LRMDA: variants seen among roughly 807,000 people sequenced by gnomAD.
LRMDA encodes leucine-rich melanocyte differentiation-associated protein.
In LRMDA, 18 loss-of-function variants were observed where a neutral mutation model predicts 29.8. That is an observed-to-expected ratio of 0.60 (90% CI 0.42 to 0.90). The LOEUF (loss-of-function observed/expected upper bound fraction) is 0.90. LRMDA is among the 40% of genes least tolerant of loss of function. The probability of loss-of-function intolerance (pLI) is 0.00; values close to 1 mark genes in which losing one functional copy is unlikely to be tolerated. For missense variants in LRMDA, 273 were observed against 273.9 expected, an observed-to-expected ratio of 1.00 and a Z score of 0.02; for synonymous variants, 125 against 109.4, an observed-to-expected ratio of 1.14 and a Z score of -0.89.
intron 2 of LRMDA, among the ~76,000 whole-genome samples, chr10:75,888,768 G>C (rs1204239773): frequency 6.6e-6 from 1 of 152,132 alleles, no homozygotes; most frequent in Non-Finnish European, 1.5e-5. Context: ...GGCCATCAAC[G>C]TACATGTATT....
At chr10:75,605,591 A>T (rs559243841) in intron 2 of LRMDA, among the ~76,000 whole-genome samples, 4 of 152,356 alleles carry the variant, frequency 2.6e-5, no homozygotes, top group Admixed American at 2.0e-4. Context: ...GTCCTAACGC[A>T]TCCTTTCTGG....
At chr10:76,022,428 C>T (rs145736263) in intron 2 of LRMDA, among the ~76,000 whole-genome samples, 281 of 152,338 alleles carry the variant, frequency 1.8e-3, no homozygotes, top group Non-Finnish European at 3.5e-3. Flanking sequence ...AATTGCTGCT[C>T]TTGGCCTTAT....
chr10:76,103,292 A>G (rs1414911564), intron 5 of LRMDA, among the ~76,000 whole-genome samples: 1 of 152,238 alleles, frequency 6.6e-6, no homozygotes, highest in Non-Finnish European at 1.5e-5. Flanking sequence ...AGTTGAGGAT[A>G]AAGAGGTTGT....
chr10:75,896,841 T>TTGTGTGTGTGTGTGTGTGTGTGTG (rs35428137), intron 2 of LRMDA, among the ~76,000 whole-genome samples: 6 of 147,442 alleles, frequency 4.1e-5, no homozygotes, highest in African/African-American at 1.5e-4. Context: ...GAGTGTGCAT[T>TTGTGTGTGTGTGTGTGTGTGTGTG]TGTGTGTGTG....
At chr10:75,538,848 G>A (rs1589174375) in intron 2 of LRMDA, among the ~76,000 whole-genome samples, 1 of 152,276 alleles carries the variant, frequency 6.6e-6, no homozygotes, top group Non-Finnish European at 1.5e-5. Flanking sequence ...AACATCCCCA[G>A]GCAATGACCT....
At chr10:76,070,694 C>T (rs544616656) in intron 5 of LRMDA, among the ~76,000 whole-genome samples, 1 of 152,256 alleles carries the variant, frequency 6.6e-6, no homozygotes, top group African/African-American at 2.4e-5. Flanking sequence ...GGAATTTATC[C>T]TTAAATGAAA....
intron 6 of LRMDA, among the ~76,000 whole-genome samples, chr10:76,407,577 C>T (rs1841915720): frequency 6.6e-6 from 1 of 152,070 alleles, no homozygotes; most frequent in Non-Finnish European, 1.5e-5. Context: ...CACAACAACC[C>T]TGTAAAATAG....
chr10:76,279,907 C>A (rs952505928), intron 5 of LRMDA, among the ~76,000 whole-genome samples: 3 of 152,116 alleles, frequency 2.0e-5, no homozygotes, highest in African/African-American at 7.2e-5. Flanking sequence ...AGTGAAGTAA[C>A]CAGCCTAAAT....
At chr10:75,881,512 A>T (rs1252130375) in intron 2 of LRMDA, among the ~76,000 whole-genome samples, 1 of 151,872 alleles carries the variant, frequency 6.6e-6, no homozygotes, top group Non-Finnish European at 1.5e-5. Context: ...ACTTTTCTGC[A>T]TGGCAGATGG....
chr10:75,959,613 A>G (rs1271179674), intron 2 of LRMDA, among the ~76,000 whole-genome samples: 1 of 152,150 alleles, frequency 6.6e-6, no homozygotes, highest in East Asian at 1.9e-4. Context: ...GAACTCAGCT[A>G]AGTAGTTTAG....
chr10:75,581,558 A>G (rs1468406102), intron 2 of LRMDA, among the ~76,000 whole-genome samples: 3 of 149,192 alleles, frequency 2.0e-5, no homozygotes, highest in Middle Eastern at 3.2e-3. Flanking sequence ...CAGTAATCCC[A>G]TTACTGGGTA....
chr10:75,644,655 T>C (rs1049730074), intron 2 of LRMDA, among the ~76,000 whole-genome samples: 2 of 152,144 alleles, frequency 1.3e-5, no homozygotes, highest in Non-Finnish European at 2.9e-5. Context: ...TGTGTCACAC[T>C]GGACCCTTAG....
intron 5 of LRMDA, among the ~76,000 whole-genome samples, chr10:76,113,926 G>A (rs1407801910): frequency 6.6e-6 from 1 of 152,196 alleles, no homozygotes; most frequent in Non-Finnish European, 1.5e-5. Context: ...AGGTTGGTTT[G>A]CAGCACAGTT....
chr10:76,289,378 T>C (rs1348727817), intron 5 of LRMDA, among the ~76,000 whole-genome samples: 2 of 152,190 alleles, frequency 1.3e-5, no homozygotes, highest in South Asian at 4.1e-4. Flanking sequence ...TCTGAGAATG[T>C]GAGGTCGCCT....
chr10:76,461,010 A>G (rs1842506907), intron 6 of LRMDA, among the ~76,000 whole-genome samples: 1 of 152,214 alleles, frequency 6.6e-6, no homozygotes, highest in African/African-American at 2.4e-5. Flanking sequence ...TAAATAAAAT[A>G]CGTATAAGAA....
intron 2 of LRMDA, among the ~76,000 whole-genome samples, chr10:76,000,596 TG>T (rs1287943572): frequency 6.6e-6 from 1 of 152,138 alleles, no homozygotes; most frequent in Non-Finnish European, 1.5e-5. Flanking sequence ...GTGAATCGAG[TG>T]GTGAACCTCG....
At chr10:76,309,966 T>C (rs1451870045) in intron 5 of LRMDA, among the ~76,000 whole-genome samples, 1 of 152,246 alleles carries the variant, frequency 6.6e-6, no homozygotes, top group Non-Finnish European at 1.5e-5. Context: ...TTAATCAAGA[T>C]ACACCACAGT....
intron 2 of LRMDA, among the ~76,000 whole-genome samples, chr10:75,830,071 T>C (rs1844313648): frequency 6.6e-6 from 1 of 152,176 alleles, no homozygotes; most frequent in African/African-American, 2.4e-5. Context: ...GGAAGCATTT[T>C]TGAGACCTAG....
chr10:75,821,717 C>G (rs548906493), intron 2 of LRMDA, among the ~76,000 whole-genome samples: 2 of 151,806 alleles, frequency 1.3e-5, no homozygotes, highest in African/African-American at 4.8e-5. Flanking sequence ...TGCAGTGAGC[C>G]GAGATCACGC....
Sources: gnomAD v4.1 joint callset for allele counts (sites outside exome capture counted in the v4.1 genomes callset) on GRCh38, gnomAD v4.1.1 for gene constraint, MANE v1.5 for transcripts, NCBI Gene and HGNC (gene_info 2026-07-23, HGNC 2026-07-21) for gene names.